Variants in ZFPM2 observed in about 807,000 individuals in gnomAD.
ZFPM2 encodes the protein zinc finger protein ZFPM2.
In ZFPM2, 20 loss-of-function variants were observed where a neutral mutation model predicts 98.6. That is an observed-to-expected ratio of 0.20 (90% CI 0.14 to 0.29). ZFPM2 has a LOEUF of 0.29. ZFPM2 is among the 10% of genes least tolerant of loss of function. ZFPM2 has a pLI of 1.00. For synonymous variants in ZFPM2, 518 were observed against 502.7 expected, an observed-to-expected ratio of 1.03 and a Z score of -0.41; for missense variants, 1,310 against 1,388.6, an observed-to-expected ratio of 0.94 and a Z score of 0.90.
chr8:105,567,627 T>C (rs1186331114), intron 4 of ZFPM2, among the ~76,000 whole-genome samples: 1 of 152,098 alleles, frequency 6.6e-6, no homozygotes, highest in East Asian at 1.9e-4. Flanking sequence ...GAATCCATAC[T>C]AAGACAGCCT....
At chr8:105,650,226 CT>C (rs1279027836) in intron 5 of ZFPM2, among the ~76,000 whole-genome samples, 2 of 152,092 alleles carry the variant, frequency 1.3e-5, no homozygotes, top group Admixed American at 1.3e-4. Context: ...GGTGATATCC[CT>C]TTTATCACTT....
chr8:105,549,825 G>A (rs551230110), intron 3 of ZFPM2, among the ~76,000 whole-genome samples: 1 of 151,744 alleles, frequency 6.6e-6, no homozygotes, highest in East Asian at 1.9e-4. Context: ...ATGTGACCAT[G>A]CTGTTCTCAA....
At chr8:105,324,751 C>T (rs1812085559) in intron 1 of ZFPM2, among the ~76,000 whole-genome samples, 1 of 151,900 alleles carries the variant, frequency 6.6e-6, no homozygotes, top group African/African-American at 2.4e-5. Context: ...ATTCTACATT[C>T]TGTAATTTAT....
At chr8:105,590,762 G>GCACACACACA (rs71305167) in intron 4 of ZFPM2, among the ~76,000 whole-genome samples, 56 of 149,922 alleles carry the variant, frequency 3.7e-4, no homozygotes, top group Admixed American at 1.9e-3. Flanking sequence ...ACGTGCGCAC[G>GCACACACACA]CACACACACA....
At chr8:105,746,186 A>G (rs952761454) in intron 5 of ZFPM2, among the ~76,000 whole-genome samples, 1 of 151,848 alleles carries the variant, frequency 6.6e-6, no homozygotes, top group African/African-American at 2.4e-5. Context: ...TATTCGAGGA[A>G]AGTCTTAGAG....
At chr8:105,733,993 C>T (rs559818990) in intron 5 of ZFPM2, among the ~76,000 whole-genome samples, 2 of 151,924 alleles carry the variant, frequency 1.3e-5, no homozygotes, top group Admixed American at 6.6e-5. Flanking sequence ...GATCATTCTG[C>T]CAGCCAACAT....
At chr8:105,795,246 TTGTGTGTGTG>T (rs780534248) in intron 6 of ZFPM2, among the ~76,000 whole-genome samples, 24 of 138,322 alleles carry the variant, frequency 1.7e-4, no homozygotes, top group East Asian at 1.1e-3. Flanking sequence ...CATTTTATCT[TTGTGTGTGTG>T]TGTGTGTGTG....
At chr8:105,562,875 GATGTAAAC>G (rs1159826998) in intron 4 of ZFPM2, among the ~76,000 whole-genome samples, 1 of 152,162 alleles carries the variant, frequency 6.6e-6, no homozygotes, top group East Asian at 1.9e-4. Flanking sequence ...TAGAGGTCAG[GATGTAAAC>G]ATCTTTGCAA....
intron 1 of ZFPM2, among the ~76,000 whole-genome samples, chr8:105,347,930 G>A (rs942383389): frequency 1.3e-5 from 2 of 152,100 alleles, no homozygotes; most frequent in East Asian, 3.9e-4. Flanking sequence ...GGCTTTAAAG[G>A]TTGTGTTGAA....
At chr8:105,371,291 T>G (rs1483671730) in intron 1 of ZFPM2, among the ~76,000 whole-genome samples, 1 of 152,138 alleles carries the variant, frequency 6.6e-6, no homozygotes, top group Non-Finnish European at 1.5e-5. Context: ...GTCATGTTAG[T>G]CCAAAAGCTG....
At chr8:105,432,141 G>A (rs535326640) in intron 2 of ZFPM2, among the ~76,000 whole-genome samples, 3 of 152,122 alleles carry the variant, frequency 2.0e-5, no homozygotes, top group East Asian at 1.9e-4. Context: ...TAGTAGAGAC[G>A]AAGCATAAAG....
intron 4 of ZFPM2, among the ~76,000 whole-genome samples, chr8:105,619,085 A>G (rs1326729453): frequency 6.6e-6 from 1 of 152,196 alleles, no homozygotes; most frequent in Non-Finnish European, 1.5e-5. Flanking sequence ...ACATAGTTAT[A>G]AAAGCTATAA....
At chr8:105,785,513 C>G (rs1249183379) in intron 5 of ZFPM2, among the ~76,000 whole-genome samples, 2 of 152,142 alleles carry the variant, frequency 1.3e-5, no homozygotes. Context: ...TCTGTTTTCT[C>G]AAGTCTAAAG....
chr8:105,327,476 G>A (rs546805056), intron 1 of ZFPM2, among the ~76,000 whole-genome samples: 6 of 151,672 alleles, frequency 4.0e-5, no homozygotes, highest in African/African-American at 1.4e-4. Context: ...AAATTATTGG[G>A]AGCCTGCAGT....
chr8:105,608,004 G>A (rs1406326783), intron 4 of ZFPM2, among the ~76,000 whole-genome samples: 1 of 152,058 alleles, frequency 6.6e-6, no homozygotes, highest in African/African-American at 2.4e-5. Context: ...CTGTGCAGCC[G>A]TAAAAAAGAA....
chr8:105,575,521 A>G (rs903563285), intron 4 of ZFPM2, among the ~76,000 whole-genome samples: 1 of 152,206 alleles, frequency 6.6e-6, no homozygotes, highest in African/African-American at 2.4e-5. Context: ...CTAAGGCTTC[A>G]GTGCCAAACC....
At chr8:105,364,423 A>T (rs1432113411) in intron 1 of ZFPM2, among the ~76,000 whole-genome samples, 1 of 152,230 alleles carries the variant, frequency 6.6e-6, no homozygotes, top group Non-Finnish European at 1.5e-5. Flanking sequence ...AATCAGGAAG[A>T]AAAGTTCAGG....
intron 5 of ZFPM2, among the ~76,000 whole-genome samples, chr8:105,717,584 A>T (rs538210800): frequency 6.6e-6 from 1 of 152,064 alleles, no homozygotes; most frequent in South Asian, 2.1e-4. Flanking sequence ...TGTTAAATTA[A>T]GCAGAAAGAT....
rs1351602413 is a variant in ZFPM2, at chr8:105,494,223, ATAT to A, written c.301+49843_301+49845del. 1.7e-4 allele frequency among the ~76,000 whole-genome samples: 21 copies of A among 124,232 alleles called. 1 individual carries two copies. In the South Asian group the frequency reaches 5.2e-3, roughly 31 times the overall value. The allele number at this position is 124,232 out of a possible 152,430, so 81.5% of individuals were successfully genotyped here. A position where few individuals can be genotyped will look rare whatever the true frequency, so the allele number is the denominator to read the frequency against. On this transcript the variant is annotated intron_variant, in intron 3 of 7. Transcript: ENST00000407775. ...TATATATATATATATATATATATAT[ATAT>A]AATCTCAAACTCAACATATCTGAAA...
Sources: allele counts gnomAD v4.1 joint callset (sites outside exome capture counted in the v4.1 genomes callset), GRCh38; gene constraint gnomAD v4.1.1; transcripts MANE v1.5; gene names NCBI Gene and HGNC (gene_info 2026-07-23, HGNC 2026-07-21).